The following BMAL1 variants were observed in gnomAD, a reference collection of about 807,000 sequenced individuals.
The protein encoded by BMAL1 is basic helix-loop-helix ARNT-like protein 1.
the BMAL1 span, among the ~76,000 whole-genome samples, chr11:13,282,126 C>T: frequency 6.6e-6 from 1 of 152,180 alleles, no homozygotes; most frequent in Non-Finnish European, 1.5e-5. Context: ...CTGGAGCCTA[C>T]ATCCCTTCAT....
chr11:13,311,610 A>G, the BMAL1 span, among the ~76,000 whole-genome samples: 1 of 152,242 alleles, frequency 6.6e-6, no homozygotes, highest in African/African-American at 2.4e-5. Flanking sequence ...GGAGACACAT[A>G]AGATTTAGAT....
the BMAL1 span, among the ~76,000 whole-genome samples, chr11:13,284,084 G>C: frequency 1.3e-5 from 1 of 74,398 alleles, no homozygotes; most frequent in Non-Finnish European, 3.0e-5. Context: ...TGGGGTGTGT[G>C]TGTGTGTGTG....
the BMAL1 span, among the ~76,000 whole-genome samples, chr11:13,313,374 C>T: frequency 1.3e-5 from 2 of 152,108 alleles, no homozygotes; most frequent in African/African-American, 2.4e-5. Context: ...TTGAAGACAC[C>T]CGGATCTCCA....
the BMAL1 span, among the ~76,000 whole-genome samples, chr11:13,300,682 A>G: frequency 1.3e-5 from 2 of 152,256 alleles, no homozygotes; most frequent in African/African-American, 4.8e-5. Flanking sequence ...CTAAAACAAG[A>G]AAAAGTAAAT....
At chr11:13,329,239 G>T in the BMAL1 span, among the ~76,000 whole-genome samples, 1 of 152,198 alleles carries the variant, frequency 6.6e-6, no homozygotes, top group Non-Finnish European at 1.5e-5. Context: ...CCTCCCTGAA[G>T]AGCTCAATGC....
chr11:13,327,880 G>A, the BMAL1 span, among the ~76,000 whole-genome samples: 2 of 1,294 alleles, frequency 1.5e-3, no homozygotes, highest in African/African-American at 1.5e-3. Context: ...TTCATGAGAC[G>A]TTTTCCCTGA....
chr11:13,368,482 G>C, the BMAL1 span, among the ~76,000 whole-genome samples: 2 of 152,222 alleles, frequency 1.3e-5, no homozygotes, highest in Non-Finnish European at 2.9e-5. Context: ...TGGGGACACA[G>C]TGAAGAGCTC....
the BMAL1 span, among the ~76,000 whole-genome samples, chr11:13,300,750 C>T: frequency 1.3e-5 from 2 of 152,244 alleles, no homozygotes; most frequent in Non-Finnish European, 1.5e-5. Context: ...CTGGAAATGC[C>T]ATTTAGTAGT....
chr11:13,349,887 A>G, the BMAL1 span: 1 of 152,156 alleles, frequency 6.6e-6, no homozygotes, highest in African/African-American at 2.4e-5. Flanking sequence ...AGATTTTTAC[A>G]TTTACTTACC....
chr11:13,323,435 C>G, the BMAL1 span, among the ~76,000 whole-genome samples: 3 of 152,162 alleles, frequency 2.0e-5, no homozygotes, highest in African/African-American at 7.2e-5. Flanking sequence ...TTGATTTGTT[C>G]CTTCAAAAAC....
the BMAL1 span, among the ~76,000 whole-genome samples, chr11:13,284,540 C>T: frequency 1.3e-5 from 2 of 150,568 alleles, no homozygotes; most frequent in African/African-American, 2.5e-5. Context: ...TTGAGTGCGC[C>T]GGGAGCAGGA....
the BMAL1 span, chr11:13,309,954 T>C: frequency 6.5e-6 from 1 of 152,676 alleles, no homozygotes; most frequent in South Asian, 2.1e-4. Flanking sequence ...TGCTATGAAT[T>C]TAAAGCTAAA....
chr11:13,336,582 G>A, the BMAL1 span, among the ~76,000 whole-genome samples: 1 of 152,164 alleles, frequency 6.6e-6, no homozygotes, highest in East Asian at 1.9e-4. Flanking sequence ...TGAAACCTGA[G>A]GGCTCTCCAG....
chr11:13,288,355 C>G, the BMAL1 span, among the ~76,000 whole-genome samples: 1 of 144,388 alleles, frequency 6.9e-6, no homozygotes, highest in Admixed American at 6.9e-5. Flanking sequence ...TCCCAGCAGT[C>G]TCTAGATGCA....
chr11:13,374,065 T>G, the BMAL1 span: 1 of 1,598,052 alleles, frequency 6.3e-7, no homozygotes, highest in Middle Eastern at 1.7e-4. Context: ...TGGCTTTTTC[T>G]TCTTTAAATA....
At chr11:13,331,071 G>A in the BMAL1 span, among the ~76,000 whole-genome samples, 1 of 152,172 alleles carries the variant, frequency 6.6e-6, no homozygotes, top group Non-Finnish European at 1.5e-5. Context: ...GGCTGGGGCG[G>A]CAGTCTCTGT....
At chr11:13,285,377 A>C in the BMAL1 span, among the ~76,000 whole-genome samples, 1 of 152,208 alleles carries the variant, frequency 6.6e-6, no homozygotes, top group Non-Finnish European at 1.5e-5. Flanking sequence ...AGGGGCCCGC[A>C]GGAGGGGACA....
At chr11:13,277,678 G>C in the BMAL1 span, 1 of 148,054 alleles carries the variant, frequency 6.8e-6, no homozygotes, top group East Asian at 2.0e-4. Context: ...GCAGGTATCC[G>C]GGCGCTGCGG....
the BMAL1 span, chr11:13,375,859 C>A: frequency 1.6e-6 from 2 of 1,217,454 alleles, no homozygotes; most frequent in Non-Finnish European, 2.2e-6. Context: ...TCCAGTATCA[C>A]ATCCTTTAAT....
Sources: gnomAD v4.1 joint callset for allele counts (sites outside exome capture counted in the v4.1 genomes callset) on GRCh38, gnomAD v4.1.1 for gene constraint, MANE v1.5 for transcripts, NCBI Gene and HGNC (gene_info 2026-07-23, HGNC 2026-07-21) for gene names.